SEC61G: variants seen among roughly 807,000 people sequenced by gnomAD.
SEC61G encodes protein transport protein Sec61 subunit gamma.
In SEC61G, 4 loss-of-function variants were observed where a neutral mutation model predicts 7.5. The observed-to-expected ratio is 0.54, with a 90% CI of 0.26 to 1.22. SEC61G has a LOEUF of 1.22. Among genes scored for constraint, SEC61G ranks in the 50% most tolerant of loss-of-function variants. The pLI, the probability that SEC61G is intolerant of heterozygous loss-of-function variation, is 0.12. For synonymous variants in SEC61G, 24 were observed against 24.4 expected (o/e 0.98, Z 0.05); for missense variants, 53 against 84.6 (o/e 0.63, Z 1.46).
At chr7:54,757,417 A>G in intron 2 of SEC61G, 78 bp downstream of exon 2, 1 of 1,120,104 alleles carries the variant, frequency 8.9e-7, no homozygotes, top group South Asian at 1.3e-5. Context: ...TGCAAGGGCT[A>G]TTAATCAAGA....
In SEC61G at chr7:54,752,393, C is replaced by T; in HGVS notation, c.*18G>A. The T allele has an allele frequency of 6.5e-7, 1 of 1,530,804 alleles. No homozygotes were observed. The highest frequency in any genetic ancestry group is 8.9e-7 in the Non-Finnish European group (1 of 1,125,452). The allele number at this position is 1,530,804 out of a possible 1,614,324, so 94.8% of individuals were successfully genotyped here. Reference sequence around the variant, plus strand: ...GTTCACCAATCTCTAAGATGAAAAACTCTCTTCCAAAATGTATTCAGCCAC... The same window carrying T: ...GTTCACCAATCTCTAAGATGAAAAATTCTCTTCCAAAATGTATTCAGCCAC... On this transcript the variant is annotated 3_prime_UTR_variant, in exon 4 of 4. Coordinates refer to ENST00000352861, the MANE Select transcript of SEC61G (RefSeq NM_014302.4).
intron 3 of SEC61G, among the ~76,000 whole-genome samples, chr7:54,754,584 A>G (rs1034644532): frequency 2.0e-5 from 3 of 152,200 alleles, no homozygotes; most frequent in East Asian, 3.8e-4. Context: ...TTCTGCCTTA[A>G]TAACTATGGT....
At chr7:54,752,945 A>T (rs1791442868) in intron 3 of SEC61G, among the ~76,000 whole-genome samples, 1 of 152,212 alleles carries the variant, frequency 6.6e-6, no homozygotes, top group Non-Finnish European at 1.5e-5. Flanking sequence ...GCATAGTCAG[A>T]TATACATTTT....
rs774808201 is a variant in SEC61G, at chr7:54,755,760, T to C, written c.197+19A>G. 5 of 1,344,164 alleles carry C rather than the reference T, an allele frequency of 3.7e-6. No homozygotes were observed. In the East Asian group the frequency reaches 9.7e-5, roughly 26 times the overall value. 83.3% of individuals were successfully genotyped at this position (1,344,164 alleles called of 1,614,324 possible). ...TTGAGTTTCATTCAATCCTAGTCTA[T>C]TTCATAAAGTTTACTTACACAATGA... On this transcript the variant is annotated intron_variant, in intron 3 of 3. Coordinates refer to ENST00000352861, the MANE Select transcript of SEC61G (RefSeq NM_014302.4).
rs199991033 is a variant in SEC61G at position 54,753,350 on chromosome 7, CA to C, written c.198-931del. Among the ~76,000 whole-genome samples, 386 of 152,114 alleles carry C rather than the reference CA, an allele frequency of 2.5e-3. 9 individuals are homozygous for C. The highest frequency in any genetic ancestry group is 0.019 in the Admixed American group (291 of 15,280). The stretch of plus-strand genomic sequence containing the variant: ...CCTGAGCATATACTTTAATGTTTAG[CA>C]TTTTAAATGCTTATGCTATTAAATA... On this transcript the variant is annotated intron_variant, in intron 3 of 3. Transcript: ENST00000352861.
chr7:54,755,499 G>C lies in SEC61G; in HGVS notation c.197+280C>G, dbSNP rs566927123. ...AAGGTAACAGCACAAAGAGGACTTA[G>C]GTTTCAATGCTGGCTTTGTGACATA... is the stretch of plus-strand genomic sequence containing the variant. On this transcript the variant is annotated intron_variant, in intron 3 of 3. Coordinates refer to ENST00000352861, the MANE Select transcript of SEC61G (RefSeq NM_014302.4). 4.0e-4 allele frequency: 91 copies of C among 225,624 alleles called. 1 individual carries two copies. In the Middle Eastern group the frequency reaches 6.1e-3, roughly 15 times the overall value. 14.0% of individuals were successfully genotyped at this position (225,624 alleles called of 1,614,324 possible).
At chr7:54,755,724 C>T in intron 3 of SEC61G, 55 bp downstream of exon 3, 1 of 993,542 alleles carries the variant, frequency 1.0e-6, no homozygotes, top group Non-Finnish European at 1.5e-6. Flanking sequence ...AGCCTGTCAT[C>T]TCAAATGGTT....
intron 3 of SEC61G, chr7:54,755,028 C>A (rs1376975693): frequency 6.6e-6 from 1 of 152,182 alleles, no homozygotes; most frequent in Non-Finnish European, 1.5e-5. Context: ...TAAGTCCTTA[C>A]CCTAAACTGA....
At chr7:54,758,158 AT>A (rs545309069) in intron 1 of SEC61G, among the ~76,000 whole-genome samples, 233 of 152,362 alleles carry the variant, frequency 1.5e-3, no homozygotes, top group African/African-American at 5.4e-3. Flanking sequence ...TTTCTAAAGT[AT>A]AAAGAATGGC....
chr7:54,757,903 G>A (rs1791552051), intron 1 of SEC61G, among the ~76,000 whole-genome samples: 1 of 152,272 alleles, frequency 6.6e-6, no homozygotes, highest in Middle Eastern at 3.4e-3. Flanking sequence ...TTACGCAATT[G>A]GTAACACATC....
intron 2 of SEC61G, among the ~76,000 whole-genome samples, 169 bp downstream of exon 2, chr7:54,757,326 C>G (rs2256906): frequency 2.6e-5 from 4 of 151,740 alleles, no homozygotes; most frequent in Admixed American, 6.6e-5. Context: ...AAAATTTAGA[C>G]GAGTAAAAAA....
At chr7:54,757,350 GACA>G (rs1791539644) in intron 2 of SEC61G, 142 bp downstream of exon 2, 2 of 608,578 alleles carry the variant, frequency 3.3e-6, no homozygotes, top group East Asian at 2.8e-5. Flanking sequence ...AGGAAGAAGT[GACA>G]ACGTTAAAAA....
At chr7:54,755,582 G>A (rs1463301239) in intron 3 of SEC61G, 197 bp downstream of exon 3, 1 of 377,762 alleles carries the variant, frequency 2.6e-6, no homozygotes, top group Non-Finnish European at 4.7e-6. Flanking sequence ...AGAAAATAGT[G>A]CCTAGCACAC....
Position 54,753,135 on chromosome 7 carries a change from C to CA in SEC61G, c.198-716dup, listed in dbSNP as rs971429782. Reference sequence around the variant, plus strand: ...TGAAACCCCGTCTCTACTAAAAATACAAAAAAAATTAGCCAGGCATGGTGG... The same window carrying CA: ...TGAAACCCCGTCTCTACTAAAAATACAAAAAAAAATTAGCCAGGCATGGTGG... On this transcript the variant is annotated intron_variant, in intron 3 of 3. Coordinates refer to ENST00000352861, the MANE Select transcript of SEC61G (RefSeq NM_014302.4). Among the ~76,000 whole-genome samples the CA allele has an allele frequency of 7.3e-5, 11 of 150,750 alleles. No individual in the cohort carries two copies. In the East Asian group the frequency reaches 7.8e-4, roughly 11 times the overall value.
At chr7:54,759,068 C>G in intron 1 of SEC61G, 90 bp downstream of exon 1, 1 of 430,462 alleles carries the variant, frequency 2.3e-6, no homozygotes, top group Non-Finnish European at 4.8e-6. Context: ...CCCGGGGAGA[C>G]ACGCCGGCTC....
rs1791499926 is a variant in SEC61G at position 54,755,719 on chromosome 7, G to T, written c.197+60C>A. 3.3e-6 allele frequency: 3 copies of T among 920,238 alleles called. No individual in the cohort carries two copies. The East Asian group carries it at 7.8e-5, about 24-fold the overall frequency. 57.0% of individuals were successfully genotyped at this position (920,238 alleles called of 1,614,324 possible). A position where few individuals can be genotyped will look rare whatever the true frequency, so the allele number is the denominator to read the frequency against. ...CTCTATATTAACGAAATAACAGCCT[G>T]TCATCTCAAATGGTTTTGAGTTTCA... On this transcript the variant is annotated intron_variant, in intron 3 of 3. Transcript: ENST00000352861.
chr7:54,758,962 G>C lies in SEC61G; in HGVS notation c.-7+196C>G, dbSNP rs1033062685. On this transcript the variant is annotated intron_variant, in intron 1 of 3. Transcript: ENST00000352861. ...GCTCGCCGGGAGTCCGCGGCCCTGG[G>C]TCTGCCTTCCGCCAGAGGCCGAGTT... 1.3e-5 allele frequency: 4 copies of C among 309,102 alleles called. No homozygotes were observed. The East Asian group carries it at 4.6e-4, about 35-fold the overall frequency. 19.1% of individuals were successfully genotyped at this position (309,102 alleles called of 1,614,324 possible).
intron 2 of SEC61G, 98 bp from the exon 3 acceptor site, chr7:54,755,979 A>G: frequency 1.8e-6 from 1 of 569,918 alleles, no homozygotes; most frequent in Non-Finnish European, 3.1e-6. Context: ...ACTAGTATAC[A>G]TTTCTCCTGT....
At position 54,757,553 on chromosome 7, in the gene SEC61G, C is replaced by A. The variant is rs758831775; in HGVS notation, c.36G>T (p.Arg12=). The change falls in exon 2 of 4, where the codon CGG becomes CGT. Residue 12 remains arginine, a synonymous_variant. Transcript: ENST00000352861. ...DQVMQFVEPS[R]QFVKDSIRLV... is the part of the protein sequence containing the mutation. ...GCCGAATGGAGTCCTTTACAAACTG[C>A]CGACTTGGCTCAACAAACTGCATTA... 23 of 1,614,086 alleles carry A rather than the reference C, an allele frequency of 1.4e-5. No individual in the cohort carries two copies. The highest frequency in any genetic ancestry group is 1.9e-5 in the Non-Finnish European group (23 of 1,179,986).
Sources: allele counts gnomAD v4.1 joint callset (sites outside exome capture counted in the v4.1 genomes callset), GRCh38; gene constraint gnomAD v4.1.1; transcripts MANE v1.5; gene names NCBI Gene and HGNC (gene_info 2026-07-23, HGNC 2026-07-21).